The following GARRE1 variants were observed in gnomAD, a reference collection of about 807,000 sequenced individuals.
GARRE1 encodes the protein granule associated Rac and RHOG effector protein 1.
In GARRE1, 49 loss-of-function variants were observed where a neutral mutation model predicts 103.2. That is an observed-to-expected ratio of 0.47 (90% confidence interval 0.38 to 0.60). The LOEUF is 0.60. GARRE1 is among the 20% of genes least tolerant of loss of function. The probability of loss-of-function intolerance (pLI) is 0.00; values close to 1 mark genes in which losing one functional copy is unlikely to be tolerated. For synonymous variants in GARRE1, 505 were observed against 532.8 expected (o/e 0.95, Z 0.72); for missense variants, 1,199 against 1,370.5 (o/e 0.87, Z 1.98).
chr19:34,333,742 C>T lies in GARRE1; in HGVS notation c.1302C>T (p.Ala434=), dbSNP rs1047796300. Residue 434 remains alanine (A), a synonymous_variant, in exon 8 of 14, where the codon GCC becomes GCT. Coordinates refer to ENST00000299505, the MANE Select transcript of GARRE1 (RefSeq NM_014686.5). Reference sequence around the variant, plus strand: ...CAGCACAGATTGAGAATAAAGAAGCCTATGCCCCCCAGATCAGTTTAGAAG... The same window carrying T: ...CAGCACAGATTGAGAATAAAGAAGCTTATGCCCCCCAGATCAGTTTAGAAG... ...VDTAQIENKE[A]YAPQISLEGS... 1 of 1,607,348 alleles carries T rather than the reference C, an allele frequency of 6.2e-7. No individual in the cohort carries two copies. The highest frequency in any genetic ancestry group is 2.2e-5 in the East Asian group (1 of 44,842).
intron 1 of GARRE1, among the ~76,000 whole-genome samples, chr19:34,289,165 C>T (rs893204884): frequency 6.8e-6 from 1 of 147,448 alleles, no homozygotes; most frequent in East Asian, 2.1e-4. Context: ...TTGGGCATGG[C>T]GGCTCACGCC....
chr19:34,307,710 T>TATATAC (rs1417778999), intron 2 of GARRE1, among the ~76,000 whole-genome samples: 1 of 63,774 alleles, frequency 1.6e-5, no homozygotes, highest in Non-Finnish European at 5.0e-5. Flanking sequence ...TATATACTTA[T>TATATAC]ATATATACTA....
chr19:34,289,700 G>A (rs1203438275), intron 1 of GARRE1, among the ~76,000 whole-genome samples: 2 of 151,458 alleles, frequency 1.3e-5, no homozygotes, highest in Admixed American at 6.6e-5. Context: ...CTCCAGCCTG[G>A]TGACAGAGCT....
intron 3 of GARRE1, among the ~76,000 whole-genome samples, chr19:34,324,616 G>A (rs553609090): frequency 9.9e-5 from 15 of 151,630 alleles, no homozygotes; most frequent in Admixed American, 3.3e-4. Flanking sequence ...ATCCTCCTGA[G>A]TAGCTCAGAC....
chr19:34,294,642 A>G (rs921805961), intron 1 of GARRE1, among the ~76,000 whole-genome samples: 1 of 151,482 alleles, frequency 6.6e-6, no homozygotes. Context: ...TTTTCCCTTT[A>G]TATGGGCTAT....
chr19:34,312,030 G>A (rs2074039377), intron 2 of GARRE1, among the ~76,000 whole-genome samples: 1 of 151,990 alleles, frequency 6.6e-6, no homozygotes, highest in African/African-American at 2.4e-5. Context: ...TGCCCAGGCT[G>A]GTCTCAAACT....
chr19:34,321,537 C>T (rs1277252165), intron 3 of GARRE1, among the ~76,000 whole-genome samples: 4 of 151,536 alleles, frequency 2.6e-5, no homozygotes, highest in Non-Finnish European at 4.4e-5. Context: ...TCACTGCAAC[C>T]TCCGCCTGCC....
Position 34,352,984 on chromosome 19 carries a change from C to T in GARRE1, c.*29C>T. On this transcript the variant is annotated 3_prime_UTR_variant, in exon 14 of 14. Coordinates refer to ENST00000299505, the MANE Select transcript of GARRE1 (RefSeq NM_014686.5). ...CAGGCCAGCCAGCCTGCCTGCCTGCCTGCCTGCCCGCCCAGAGCTGTGGGG... is the reference window on the plus strand; with the variant it reads ...CAGGCCAGCCAGCCTGCCTGCCTGCTTGCCTGCCCGCCCAGAGCTGTGGGG... 6.7e-7 allele frequency: 1 copy of T among 1,491,190 alleles called. No individual in the cohort carries two copies. Among genetic ancestry groups the T allele is most frequent in the Non-Finnish European group, 9.0e-7 (1 of 1,114,596 alleles). The allele number at this position is 1,491,190 out of a possible 1,614,324, so 92.4% of individuals were successfully genotyped here. A position where few individuals can be genotyped will look rare whatever the true frequency, so the allele number is the denominator to read the frequency against.
At chr19:34,262,053 G>A (rs1469775697) in intron 1 of GARRE1, among the ~76,000 whole-genome samples, 2 of 151,830 alleles carry the variant, frequency 1.3e-5, no homozygotes, top group South Asian at 4.1e-4. Context: ...GCAGGATCTC[G>A]ACTTACTGCA....
At chr19:34,266,735 T>A (rs2073754077) in intron 1 of GARRE1, among the ~76,000 whole-genome samples, 1 of 152,216 alleles carries the variant, frequency 6.6e-6, no homozygotes, top group Non-Finnish European at 1.5e-5. Flanking sequence ...TATAATTTAT[T>A]GATAGAATTT....
At chr19:34,322,375 T>C (rs1362173330) in intron 3 of GARRE1, among the ~76,000 whole-genome samples, 1 of 152,058 alleles carries the variant, frequency 6.6e-6, no homozygotes, top group Non-Finnish European at 1.5e-5. Flanking sequence ...TTTCACCATG[T>C]TGGCCTGACT....
At chr19:34,305,383 T>C (rs990956612) in intron 2 of GARRE1, among the ~76,000 whole-genome samples, 3 of 152,322 alleles carry the variant, frequency 2.0e-5, no homozygotes, top group South Asian at 4.1e-4. Context: ...TTAGGAACAC[T>C]TTGTCCTCTC....
At chr19:34,307,134 G>T (rs2074010662) in intron 2 of GARRE1, among the ~76,000 whole-genome samples, 1 of 152,178 alleles carries the variant, frequency 6.6e-6, no homozygotes, top group Non-Finnish European at 1.5e-5. Context: ...AGAGAAGCAG[G>T]GGTGAGGTCA....
Position 34,327,872 on chromosome 19 carries a change from C to T in GARRE1, c.942+6C>T. 6.2e-7 allele frequency: 1 copy of T among 1,614,090 alleles called. No individual in the cohort carries two copies. The highest frequency in any genetic ancestry group is 8.5e-7 in the Non-Finnish European group (1 of 1,179,898). ...CGATTGAAGCAAGTTTGCAGGTACA[C>T]TTTTCCTTCCTAAAGCTCTGGGGAC... On this transcript the variant is annotated splice_donor_region_variant and intron_variant, in intron 5 of 13. Transcript: ENST00000299505.
At chr19:34,277,901 A>C (rs1052214254) in intron 1 of GARRE1, among the ~76,000 whole-genome samples, 905 of 93,654 alleles carry the variant, frequency 9.7e-3, no homozygotes, top group East Asian at 0.066. Context: ...GCTTGATTTC[A>C]CCCCCCCCCC....
chr19:34,268,379 GTTTC>G (rs976791262), intron 1 of GARRE1, among the ~76,000 whole-genome samples: 3 of 151,800 alleles, frequency 2.0e-5, no homozygotes, highest in African/African-American at 7.3e-5. Context: ...TTTTTTCGTT[GTTTC>G]TTCTTCCTTT....
intron 10 of GARRE1, among the ~76,000 whole-genome samples, chr19:34,347,218 A>G (rs1301558918): frequency 2.0e-5 from 3 of 151,760 alleles, no homozygotes; most frequent in Non-Finnish European, 4.4e-5. Context: ...CTTCCCGAGT[A>G]GCTGGGATTA....
At chr19:34,351,429 C>A in intron 12 of GARRE1, 85 bp from the exon 13 acceptor site, 1 of 1,047,660 alleles carries the variant, frequency 9.5e-7, no homozygotes, top group Non-Finnish European at 1.5e-6. Context: ...CCTGGAGATG[C>A]TGGAGCCTAG....
chr19:34,303,509 GAC>G (rs1599764406), intron 2 of GARRE1, among the ~76,000 whole-genome samples: 3 of 152,244 alleles, frequency 2.0e-5, no homozygotes, highest in East Asian at 3.8e-4. Flanking sequence ...TTTCTTAAGA[GAC>G]ACAGCATCAT....
Sources: allele counts gnomAD v4.1 joint callset (sites outside exome capture counted in the v4.1 genomes callset), GRCh38; gene constraint gnomAD v4.1.1; transcripts MANE v1.5; gene names NCBI Gene and HGNC (gene_info 2026-07-23, HGNC 2026-07-21).